Variants in DRC7 observed in about 807,000 individuals in gnomAD.
DRC7 encodes dynein regulatory complex subunit 7.
In DRC7, 80 loss-of-function variants were observed where a neutral mutation model predicts 104.4. The ratio of observed to expected loss-of-function variants is 0.77; its 90% CI spans 0.64 to 0.92. The LOEUF (loss-of-function observed/expected upper bound fraction) is 0.92, where lower values mean the gene tolerates loss of function less well. DRC7 is among the 40% of genes least tolerant of loss of function. DRC7 has a pLI of 0.00. For missense variants in DRC7, 1,034 were observed against 1,141.1 expected (o/e 0.91, Z 1.35); for synonymous variants, 405 against 447.3 (o/e 0.91, Z 1.19).
chr16:57,709,278 T>A lies in DRC7; in HGVS notation c.1077+1600T>A, dbSNP rs1040454162. 2.0e-5 allele frequency among the ~76,000 whole-genome samples: 3 copies of A among 152,358 alleles called. No individual in the cohort carries two copies. The East Asian group carries it at 5.8e-4, about 29-fold the overall frequency. ...GTTCTATAGCTGAATGATGGCCGTTTTGTTTCTTCATTTTTAATCCTTATA... is the reference window on the plus strand; with the variant it reads ...GTTCTATAGCTGAATGATGGCCGTTATGTTTCTTCATTTTTAATCCTTATA... On this transcript the variant is annotated intron_variant, in intron 8 of 18. Transcript: ENST00000360716.
chr16:57,699,794 A>G (rs1331330823), intron 4 of DRC7, among the ~76,000 whole-genome samples: 2 of 152,146 alleles, frequency 1.3e-5, no homozygotes, highest in Non-Finnish European at 2.9e-5. Flanking sequence ...GCAGCTCTCA[A>G]GCCTGCTCTG....
chr16:57,714,700 A>G (rs1409033367), intron 8 of DRC7: 1 of 264,984 alleles, frequency 3.8e-6, no homozygotes, highest in East Asian at 1.0e-4. Context: ...AATGAAGAGT[A>G]TGAAGAGTTA....
At chr16:57,709,993 C>A (rs1476469755) in intron 8 of DRC7, among the ~76,000 whole-genome samples, 1 of 152,126 alleles carries the variant, frequency 6.6e-6, no homozygotes, top group African/African-American at 2.4e-5. Flanking sequence ...CCAGGTTGGT[C>A]TCAAGCAAGC....
At chr16:57,714,643 C>T in intron 8 of DRC7, 1 of 185,740 alleles carries the variant, frequency 5.4e-6, no homozygotes, top group Non-Finnish European at 1.1e-5. Context: ...GTCACACACA[C>T]ACACACATAC....
At chr16:57,725,456 T>C (rs8045172) in intron 13 of DRC7, 4,787 of 155,774 alleles carry the variant, frequency 0.031, 215 homozygotes, top group African/African-American at 0.11. Flanking sequence ...CCCTCAGCCA[T>C]GGGGCCAAGG....
chr16:57,707,174 C>T (rs1436061752), intron 7 of DRC7, among the ~76,000 whole-genome samples: 3 of 152,136 alleles, frequency 2.0e-5, no homozygotes, highest in Non-Finnish European at 4.4e-5. Flanking sequence ...GAAACCTCAC[C>T]CAAAGTCATA....
intron 12 of DRC7, 23 bp from the exon 13 acceptor site, chr16:57,724,592 C>T (rs1196728304): frequency 1.9e-6 from 3 of 1,567,978 alleles, no homozygotes; most frequent in African/African-American, 1.3e-5. Flanking sequence ...GCTGTCTCCT[C>T]CCAACTCCCG....
intron 2 of DRC7, 40 bp from the exon 3 acceptor site, chr16:57,697,873 C>T: frequency 6.5e-7 from 1 of 1,544,950 alleles, no homozygotes. Context: ...CCTGCCTGGG[C>T]TGACAGTCGG....
At position 57,718,438 on chromosome 16, in the gene DRC7, A is replaced by G. The variant is rs528459321; in HGVS notation, c.1169A>G (p.Asp390Gly). ...CAGCTGTCCTTGACTGAAGAAGACG[A>G]CAGTGGGATAAACGATGAGGATGAT... is the stretch of plus-strand genomic sequence containing the variant. ...KSQLSLTEED[D>G]SGINDEDDVE... The change falls in exon 9 of 19, where the codon GAC (aspartate) becomes GGC (glycine). Residue 390 changes from aspartate to glycine, a missense_variant. Coordinates refer to ENST00000360716, the MANE Select transcript of DRC7 (RefSeq NM_001289162.2). The G allele has an allele frequency of 8.5e-5, 137 of 1,614,152 alleles. No homozygotes were observed. The highest frequency in any genetic ancestry group is 3.3e-4 in the Middle Eastern group (2 of 6,062).
chr16:57,719,610 A>G (rs1489198070), intron 9 of DRC7, among the ~76,000 whole-genome samples: 4 of 152,148 alleles, frequency 2.6e-5, no homozygotes, highest in Non-Finnish European at 5.9e-5. Flanking sequence ...CCTGGGCTCA[A>G]ATGATCCTTC....
chr16:57,702,641 A>C (rs2048672461), intron 6 of DRC7, among the ~76,000 whole-genome samples: 1 of 152,134 alleles, frequency 6.6e-6, no homozygotes, highest in African/African-American at 2.4e-5. Context: ...TCTATCAAAA[A>C]TACAAAAAAA....
rs562993611 is a variant in DRC7 at position 57,724,979 on chromosome 16, C to T, written c.1758+144C>T. Reference sequence around the variant, plus strand: ...CACCAATGATGAACCAAGCATTTTACCAAATGTATTAGTCTGTTCTCATGC... The same window carrying T: ...CACCAATGATGAACCAAGCATTTTATCAAATGTATTAGTCTGTTCTCATGC... On this transcript the variant is annotated intron_variant, in intron 13 of 18. Transcript: ENST00000360716. 1.7e-5 allele frequency: 11 copies of T among 631,344 alleles called. No individual in the cohort carries two copies. In the East Asian group the frequency reaches 3.0e-4, roughly 17 times the overall value. The allele number at this position is 631,344 out of a possible 1,614,324, so 39.1% of individuals were successfully genotyped here.
chr16:57,722,924 C>T, intron 11 of DRC7, 78 bp from the exon 12 acceptor site: 1 of 1,612,484 alleles, frequency 6.2e-7, no homozygotes, highest in Non-Finnish European at 8.5e-7. Flanking sequence ...CATTGCTGGC[C>T]TCTGTGTGCC....
At chr16:57,727,105 C>CGCTA (rs1398762902) in intron 15 of DRC7, 163 bp downstream of exon 15, 1 of 647,512 alleles carries the variant, frequency 1.5e-6, no homozygotes, top group Non-Finnish European at 2.7e-6. Context: ...GGACCACTAG[C>CGCTA]GCACACCACC....
chr16:57,700,014 G>T (rs1191032354), intron 4 of DRC7, 131 bp from the exon 5 acceptor site: 20 of 1,066,774 alleles, frequency 1.9e-5, no homozygotes, highest in African/African-American at 4.7e-5. Context: ...GCCACCCCAG[G>T]TCATGTGGGC....
chr16:57,729,994 A>G (rs1432449926), intron 17 of DRC7, among the ~76,000 whole-genome samples: 5 of 124,166 alleles, frequency 4.0e-5, no homozygotes, highest in Non-Finnish European at 8.2e-5. Context: ...GGACGGTTGG[A>G]TGGGCGAGTG....
chr16:57,726,612 C>T, intron 14 of DRC7: 1 of 549,710 alleles, frequency 1.8e-6, no homozygotes, highest in Non-Finnish European at 3.3e-6. Context: ...CCTAGTCAAA[C>T]GCTCACTCTC....
intron 8 of DRC7, chr16:57,714,809 G>T: frequency 2.8e-6 from 1 of 362,360 alleles, no homozygotes; most frequent in Non-Finnish European, 5.4e-6. Context: ...CTTGCTGGTG[G>T]ACCCCCTTCT....
chr16:57,705,806 T>TCCATCCTCCCATCCATCCATCCTCCCATC (rs1567875251), intron 7 of DRC7, among the ~76,000 whole-genome samples: 1 of 16,562 alleles, frequency 6.0e-5, no homozygotes, highest in Non-Finnish European at 1.1e-4. Flanking sequence ...ATCCTCCCAT[T>TCCATCCTCCCATCCATCCATCCTCCCATC]TCTCCTCCCA....
Sources: gnomAD v4.1 joint callset for allele counts (sites outside exome capture counted in the v4.1 genomes callset) on GRCh38, gnomAD v4.1.1 for gene constraint, MANE v1.5 for transcripts, NCBI Gene and HGNC (gene_info 2026-07-23, HGNC 2026-07-21) for gene names.